Variants in SH3BP4 observed in about 807,000 individuals in gnomAD.
SH3BP4 encodes the protein SH3 domain-binding protein 4.
SH3BP4 carries 33 observed loss-of-function variants against 65.5 expected under a neutral mutation model. The observed-to-expected ratio is 0.50, with a 90% CI of 0.38 to 0.67. The LOEUF (loss-of-function observed/expected upper bound fraction) is 0.67. Ranked by LOEUF, SH3BP4 falls within the 30% of genes least tolerant of loss-of-function variation. SH3BP4 has a pLI of 0.00. For synonymous variants in SH3BP4, 552 were observed against 545.5 expected (o/e 1.01, Z -0.17); for missense variants, 1,134 against 1,261.4 (o/e 0.90, Z 1.53).
At chr2:234,989,447 A>T (rs989402198) in intron 1 of SH3BP4, among the ~76,000 whole-genome samples, 1 of 152,184 alleles carries the variant, frequency 6.6e-6, no homozygotes, top group Non-Finnish European at 1.5e-5. Flanking sequence ...CACTCCTGGC[A>T]TGCAGCCATG....
intron 1 of SH3BP4, among the ~76,000 whole-genome samples, chr2:234,966,235 A>G (rs867488928): frequency 3.3e-5 from 5 of 152,070 alleles, no homozygotes; most frequent in African/African-American, 9.7e-5. Context: ...AAAATTAACC[A>G]GGCCTGGCCT....
intron 2 of SH3BP4, among the ~76,000 whole-genome samples, chr2:235,022,335 CT>C (rs1694868829): frequency 1.3e-5 from 2 of 152,254 alleles, no homozygotes; most frequent in Admixed American, 1.3e-4. Context: ...GGGCAGATCA[CT>C]TGAGGTCAGG....
rs1251535459 is a variant in SH3BP4, at chr2:234,977,676, T to A, written c.-206-17627T>A. Among the ~76,000 whole-genome samples, 1 of 152,072 alleles carries A rather than the reference T, an allele frequency of 6.6e-6. No individual in the cohort carries two copies. The highest frequency in any genetic ancestry group is 1.5e-5 in the Non-Finnish European group (1 of 68,014). ...TGTCTCTCCCCCAAAGAGGGCTGGT[T>A]CAAGTATGAATATTCACAGCCACAC... On this transcript the variant is annotated intron_variant, in intron 1 of 5. Coordinates refer to ENST00000392011, the MANE Select transcript of SH3BP4 (RefSeq NM_014521.3). The surrounding 1 kb of genome is among the most constrained non-coding windows in gnomAD (Gnocchi z 5.1).
At chr2:234,955,568 G>A (rs964394727) in intron 1 of SH3BP4, among the ~76,000 whole-genome samples, 1 of 152,130 alleles carries the variant, frequency 6.6e-6, no homozygotes, top group Non-Finnish European at 1.5e-5. Flanking sequence ...GGGCGAGGGA[G>A]TGCAGAATAT....
At chr2:235,021,057 A>T (rs1694833882) in intron 2 of SH3BP4, among the ~76,000 whole-genome samples, 1 of 152,164 alleles carries the variant, frequency 6.6e-6, no homozygotes, top group African/African-American at 2.4e-5. Flanking sequence ...GGCAGAGCTG[A>T]GTCTTTGTGA....
At chr2:235,048,252 T>A (rs76532898) in intron 4 of SH3BP4, among the ~76,000 whole-genome samples, 2,647 of 152,244 alleles carry the variant, frequency 0.017, 74 homozygotes, top group African/African-American at 0.06. Flanking sequence ...TTTTGGGGCA[T>A]GTTGGGAAGG....
chr2:235,024,243 A>G (rs1232838956), intron 2 of SH3BP4, among the ~76,000 whole-genome samples: 1 of 152,226 alleles, frequency 6.6e-6, no homozygotes, highest in Non-Finnish European at 1.5e-5. Context: ...GGCTAAAACA[A>G]TAAACTAACG....
intron 2 of SH3BP4, among the ~76,000 whole-genome samples, chr2:235,032,536 A>G (rs1046662182): frequency 2.6e-5 from 4 of 152,198 alleles, no homozygotes; most frequent in African/African-American, 9.6e-5. Flanking sequence ...GGGTCTCCAC[A>G]GTGGCCTCCA....
rs567190992 is a variant in SH3BP4 at position 234,969,129 on chromosome 2, G to A, written c.-207+16959G>A. On this transcript the variant is annotated intron_variant, in intron 1 of 5. Transcript: ENST00000392011. The stretch of plus-strand genomic sequence containing the variant: ...ACTTCCCCCAGGGCGCCTCTTCCCC[G>A]TAGCCACAGGGGAGCTTTCATTTGA... 2.6e-5 allele frequency among the ~76,000 whole-genome samples: 4 copies of A among 152,314 alleles called. No individual in the cohort carries two copies. In the East Asian group the frequency reaches 5.8e-4, roughly 22 times the overall value.
At chr2:234,954,704 A>G (rs1692549596) in intron 1 of SH3BP4, among the ~76,000 whole-genome samples, 3 of 152,198 alleles carry the variant, frequency 2.0e-5, no homozygotes, top group Admixed American at 2.0e-4. Flanking sequence ...AGATATGCGA[A>G]TGGTGAATGT....
Position 235,043,258 on chromosome 2 carries a change from A to G in SH3BP4, c.2478+11A>G. ...AAGGAGCTTGTGATGGTGAGTGCTCAGCAGGTGCCTGGGCGTTCAGGGGTG... is the reference window on the plus strand; with the variant it reads ...AAGGAGCTTGTGATGGTGAGTGCTCGGCAGGTGCCTGGGCGTTCAGGGGTG... On this transcript the variant is annotated intron_variant, in intron 4 of 5. Coordinates refer to ENST00000392011, the MANE Select transcript of SH3BP4 (RefSeq NM_014521.3). 1 of 1,549,270 alleles carries G rather than the reference A, an allele frequency of 6.5e-7. No homozygotes were observed. Among genetic ancestry groups the G allele is most frequent in the Non-Finnish European group, 8.7e-7 (1 of 1,145,096 alleles).
intron 2 of SH3BP4, among the ~76,000 whole-genome samples, chr2:235,004,749 A>G (rs894443058): frequency 3.3e-5 from 5 of 152,170 alleles, no homozygotes; most frequent in Non-Finnish European, 7.3e-5. Flanking sequence ...TTGTATGGCT[A>G]TGTTACATTT....
chr2:234,982,451 G>A (rs1186124688), intron 1 of SH3BP4, among the ~76,000 whole-genome samples: 3 of 152,194 alleles, frequency 2.0e-5, no homozygotes, highest in Non-Finnish European at 4.4e-5. Context: ...TAGTCTATAG[G>A]TCTCAAAGCC....
chr2:235,052,627 C>T lies in SH3BP4; in HGVS notation c.2544C>T (p.Thr848=), dbSNP rs1232984001. The change falls in exon 5 of 6, where the codon ACC becomes ACT. Residue 848 remains threonine (T), a synonymous_variant. Transcript: ENST00000392011. This position sits in a 1 kb window ranked among gnomAD's most constrained non-coding sequence, Gnocchi z 5.0. ...VRLIQDFVLL[T]TAVEVAQRWR... is the part of the protein sequence containing the mutation. ...TCATCCAGGACTTTGTGCTCCTGAC[C>T]ACGGCTGTAGAGGTGGCCCAGCGCT... 1.3e-6 allele frequency: 2 copies of T among 1,569,614 alleles called. No homozygotes were observed. Among genetic ancestry groups the T allele is most frequent in the African/African-American group, 2.7e-5 (2 of 73,770 alleles).
chr2:235,024,973 C>T (rs559943306), intron 2 of SH3BP4, among the ~76,000 whole-genome samples: 4 of 152,020 alleles, frequency 2.6e-5, no homozygotes, highest in South Asian at 2.1e-4. Flanking sequence ...GCTCTTAAAA[C>T]GTCTTCAGAG....
chr2:234,988,271 G>A (rs1221059286), intron 1 of SH3BP4, among the ~76,000 whole-genome samples: 8 of 152,236 alleles, frequency 5.3e-5, no homozygotes, highest in Admixed American at 5.2e-4. Context: ...GTGTTAGCCA[G>A]GATAGTCTTG....
chr2:235,036,626 G>A (rs554049420), intron 3 of SH3BP4, among the ~76,000 whole-genome samples: 92 of 151,836 alleles, frequency 6.1e-4, no homozygotes, highest in Non-Finnish European at 1.0e-3. Flanking sequence ...ATGGTGGAGC[G>A]TGCCTGTAAT....
At chr2:234,972,239 C>A (rs1355546774) in intron 1 of SH3BP4, among the ~76,000 whole-genome samples, 1 of 151,374 alleles carries the variant, frequency 6.6e-6, no homozygotes, top group Non-Finnish European at 1.5e-5. Flanking sequence ...TCAAGTGATT[C>A]TCATGCCTCA....
intron 1 of SH3BP4, among the ~76,000 whole-genome samples, chr2:234,969,893 A>T (rs538072588): frequency 4.0e-5 from 6 of 149,614 alleles, no homozygotes; most frequent in Admixed American, 6.6e-5. Flanking sequence ...GCTGTCTCTC[A>T]CACACACACT....
Sources: allele counts gnomAD v4.1 joint callset (sites outside exome capture counted in the v4.1 genomes callset), GRCh38; gene constraint gnomAD v4.1.1; non-coding constraint Gnocchi (gnomAD v3.1); transcripts MANE v1.5; gene names NCBI Gene and HGNC (gene_info 2026-07-23, HGNC 2026-07-21).